SLC5A5: variants seen among roughly 807,000 people sequenced by gnomAD.
SLC5A5 encodes solute carrier family 5 member 5.
Under a neutral mutation model 68.6 loss-of-function variants are expected in SLC5A5, and 56 were observed. The ratio of observed to expected loss-of-function variants is 0.82; its 90% CI spans 0.66 to 1.02. The LOEUF (loss-of-function observed/expected upper bound fraction) is 1.02. Among genes scored for constraint, SLC5A5 ranks in the 50% least tolerant of loss-of-function variants. The pLI, the probability that SLC5A5 is intolerant of heterozygous loss-of-function variation, is 0.00. For synonymous variants in SLC5A5, 398 were observed against 373.0 expected, an observed-to-expected ratio of 1.07 and a Z score of -0.77; for missense variants, 807 against 859.8, an observed-to-expected ratio of 0.94 and a Z score of 0.77.
At chr19:17,879,577 G>A (rs990879938) in intron 7 of SLC5A5, among the ~76,000 whole-genome samples, 3 of 152,106 alleles carry the variant, frequency 2.0e-5, no homozygotes, top group African/African-American at 4.8e-5. Context: ...GTCGGGGGGC[G>A]GTGCCAGGAC....
intron 12 of SLC5A5, among the ~76,000 whole-genome samples, chr19:17,886,630 T>G (rs1057427965): frequency 1.3e-5 from 2 of 152,124 alleles, no homozygotes; most frequent in Admixed American, 6.6e-5. Context: ...TTTGAGGAAC[T>G]ACCAGACTGT....
In SLC5A5 at chr19:17,878,053, G is replaced by T; in HGVS notation, c.929G>T (p.Cys310Phe). Residue 310 changes from cysteine (C) to phenylalanine (F), a missense_variant, in exon 7 of 15, where the codon TGC (cysteine) becomes TTC (phenylalanine). Physicochemically the swap from Cys to Phe is radical, Grantham distance 205 (BLOSUM62 -2). Transcript: ENST00000222248. ...GIVMFVFYTD[C>F]DPLLLGRISA... ...GTCATGTTTGTGTTCTACACTGACT[G>T]CGACCCTCTCCTCCTGGGGCGCATC... 6.2e-7 allele frequency: 1 copy of T among 1,612,878 alleles called. No homozygotes were observed.
rs1024936950 is a variant in SLC5A5 at position 17,874,551 on chromosome 19, A to G, written c.475+6A>G. ...GGCCCTCATCCTGAACCAAGGTGTG[A>G]CTCTGGGAGATTAGGGAAGCATGTC... On this transcript the variant is annotated splice_donor_region_variant and intron_variant, in intron 3 of 14. Coordinates refer to ENST00000222248, the MANE Select transcript of SLC5A5 (RefSeq NM_000453.3). 6.2e-7 allele frequency: 1 copy of G among 1,613,210 alleles called. No homozygotes were observed. Among genetic ancestry groups the G allele is most frequent in the Non-Finnish European group, 8.5e-7 (1 of 1,179,786 alleles).
intron 12 of SLC5A5, among the ~76,000 whole-genome samples, chr19:17,885,327 GTTTA>G (rs538196595): frequency 1.4e-4 from 21 of 151,428 alleles, no homozygotes; most frequent in African/African-American, 1.9e-4. Context: ...TTTCTGTTTT[GTTTA>G]TTTATTTATT....
Position 17,872,392 on chromosome 19 carries a change from C to T in SLC5A5, c.73C>T (p.Leu25=), listed in dbSNP as rs1219184137. The part of the protein sequence containing the change: ...WDYGVFALML[L]VSTGIGLWVG... ...CTACGGGGTCTTTGCCCTCATGCTC[C>T]TGGTGTCCACTGGCATCGGGCTGTG... The change falls in exon 1 of 15, where the codon CTG becomes TTG. Residue 25 remains leucine, a synonymous_variant. Coordinates refer to ENST00000222248, the MANE Select transcript of SLC5A5 (RefSeq NM_000453.3). The T allele has an allele frequency of 1.2e-6, 2 of 1,603,914 alleles. No homozygotes were observed.
At chr19:17,885,996 G>A (rs1385085410) in intron 12 of SLC5A5, among the ~76,000 whole-genome samples, 3 of 151,868 alleles carry the variant, frequency 2.0e-5, no homozygotes, top group African/African-American at 7.3e-5. Context: ...GAGTAGCTGG[G>A]GTCACAGGCA....
At chr19:17,884,548 G>T (rs1222181614) in intron 12 of SLC5A5, among the ~76,000 whole-genome samples, 1 of 151,588 alleles carries the variant, frequency 6.6e-6, no homozygotes, top group Non-Finnish European at 1.5e-5. Context: ...GAGGCAGGTG[G>T]ATCACCTGAG....
intron 12 of SLC5A5, among the ~76,000 whole-genome samples, chr19:17,887,272 C>A (rs1026387118): frequency 6.6e-6 from 1 of 152,068 alleles, no homozygotes. Context: ...TCGATAGAAT[C>A]CTTTGATGCA....
At chr19:17,875,866 C>A in intron 4 of SLC5A5, 86 bp from the exon 5 acceptor site, 1 of 1,222,414 alleles carries the variant, frequency 8.2e-7, no homozygotes, top group Non-Finnish European at 1.2e-6. Flanking sequence ...GAGACTGAGG[C>A]ATAGAAGGGC....
At chr19:17,877,314 A>ATTT (rs1309999354) in intron 5 of SLC5A5, among the ~76,000 whole-genome samples, 1 of 146,696 alleles carries the variant, frequency 6.8e-6, no homozygotes, top group Non-Finnish European at 1.5e-5. Context: ...AATTTAATTA[A>ATTT]TTTTTTTTTT....
intron 13 of SLC5A5, among the ~76,000 whole-genome samples, chr19:17,890,392 T>A (rs1464387804): frequency 3.9e-5 from 6 of 151,956 alleles, no homozygotes; most frequent in Non-Finnish European, 7.4e-5. Flanking sequence ...TTTGTTTTGT[T>A]TTGTTTTGTT....
At chr19:17,891,578 T>C (rs539539733) in intron 14 of SLC5A5, among the ~76,000 whole-genome samples, 3 of 152,322 alleles carry the variant, frequency 2.0e-5, no homozygotes, top group Non-Finnish European at 4.4e-5. Flanking sequence ...TTTGTCGTTA[T>C]CTGTTTTTAC....
intron 1 of SLC5A5, among the ~76,000 whole-genome samples, 182 bp downstream of exon 1, chr19:17,872,858 C>T (rs1196645325): frequency 6.6e-6 from 1 of 152,140 alleles, no homozygotes; most frequent in Non-Finnish European, 1.5e-5. Flanking sequence ...CCCAGGCGCC[C>T]GGCGAGGGGC....
chr19:17,884,860 A>G (rs1054525017), intron 12 of SLC5A5, among the ~76,000 whole-genome samples: 2 of 150,054 alleles, frequency 1.3e-5, no homozygotes, highest in African/African-American at 4.9e-5. Context: ...TTTTTTTTCT[A>G]ATTTTGTATT....
rs756127637 is a variant in SLC5A5, at chr19:17,884,007, C to G, written c.1487C>G (p.Pro496Arg). ...GTCAACGCCTCTGGCCTCCTGGACC[C>G]GGCTCTCCTCCCTGCTAACGACTCC... ...LSVNASGLLDPALLPANDSSR... is the reference protein window; with the variant it reads ...LSVNASGLLDRALLPANDSSR... The change falls in exon 12 of 15, where the codon CCG (proline) becomes CGG (arginine). Residue 496 changes from proline (P) to arginine (R), a missense_variant. Physicochemically the swap from Pro to Arg is moderately radical, Grantham distance 103 (BLOSUM62 -2). Coordinates refer to ENST00000222248, the MANE Select transcript of SLC5A5 (RefSeq NM_000453.3). The G allele has an allele frequency of 1.3e-6, 2 of 1,572,756 alleles. No individual in the cohort carries two copies. The highest frequency in any genetic ancestry group is 1.2e-5 in the South Asian group (1 of 85,956).
At chr19:17,882,567 G>A (rs991014153) in intron 10 of SLC5A5, among the ~76,000 whole-genome samples, 6 of 149,530 alleles carry the variant, frequency 4.0e-5, no homozygotes, top group Non-Finnish European at 5.9e-5. Flanking sequence ...CCAGGCTGGA[G>A]TGCAGTGGCA....
At chr19:17,880,979 G>T in intron 8 of SLC5A5, 26 bp downstream of exon 8, 2 of 1,572,318 alleles carry the variant, frequency 1.3e-6, no homozygotes, top group Non-Finnish European at 1.8e-6. Flanking sequence ...TGTTCATGGA[G>T]CATTATTTCA....
chr19:17,883,424 A>AT (rs1236918772), intron 10 of SLC5A5, among the ~76,000 whole-genome samples: 1 of 150,534 alleles, frequency 6.6e-6, no homozygotes, highest in Non-Finnish European at 1.5e-5. Flanking sequence ...AAAAAAAAAA[A>AT]GAAGAAGAAA....
At chr19:17,889,595 C>A (rs2147753284) in intron 13 of SLC5A5, among the ~76,000 whole-genome samples, 1 of 152,246 alleles carries the variant, frequency 6.6e-6, no homozygotes, top group Non-Finnish European at 1.5e-5. Flanking sequence ...ACCTCATCCT[C>A]CCGAGTAGCT....
Sources: gnomAD v4.1 joint callset for allele counts (sites outside exome capture counted in the v4.1 genomes callset) on GRCh38, gnomAD v4.1.1 for gene constraint, MANE v1.5 for transcripts, NCBI Gene and HGNC (gene_info 2026-07-23, HGNC 2026-07-21) for gene names.